AK9: variants seen among roughly 807,000 people sequenced by gnomAD.
AK9 encodes adenylate kinase 9, also known as adenylate kinase domain containing 1.
In AK9, 191 loss-of-function variants were observed where a neutral mutation model predicts 239.6. The observed-to-expected ratio is 0.80, with a 90% CI of 0.71 to 0.90. The LOEUF (loss-of-function observed/expected upper bound fraction) is 0.90. Among genes scored for constraint, AK9 ranks in the 40% least tolerant of loss-of-function variants. The pLI is 0.00. For missense variants in AK9, 1,995 were observed against 2,214.7 expected (o/e 0.90, Z 1.99); for synonymous variants, 689 against 721.0 (o/e 0.96, Z 0.71).
chr6:109,639,882 C>T (rs955765651), intron 10 of AK9, among the ~76,000 whole-genome samples: 3 of 152,120 alleles, frequency 2.0e-5, no homozygotes, highest in African/African-American at 7.2e-5. Context: ...GCCAGTTTTC[C>T]CAGCACCATT....
At position 109,575,266 on chromosome 6, in the gene AK9, A is replaced by G. The variant is rs141998804; in HGVS notation, c.2192-1672T>C. Among the ~76,000 whole-genome samples the G allele has an allele frequency of 6.4e-3, 970 of 152,306 alleles. 8 individuals carry two copies. The highest frequency in any genetic ancestry group is 0.024 in the Middle Eastern group (7 of 294). Reference sequence around the variant, plus strand: ...TTAAGGAATTGCCATAGTGTTTTCCATAGTGTTGTACTGGTTTACATTCCC... The same window carrying G: ...TTAAGGAATTGCCATAGTGTTTTCCGTAGTGTTGTACTGGTTTACATTCCC... On this transcript the variant is annotated intron_variant, in intron 20 of 40. Transcript: ENST00000424296.
At chr6:109,533,701 TTTTA>T (rs1336466211) in intron 27 of AK9, among the ~76,000 whole-genome samples, 2 of 152,316 alleles carry the variant, frequency 1.3e-5, no homozygotes, top group South Asian at 4.1e-4. Context: ...AAATTTACTC[TTTTA>T]TTTCTTTTAA....
intron 24 of AK9, 76 bp from the exon 25 acceptor site, chr6:109,550,378 T>G: frequency 8.4e-6 from 11 of 1,310,918 alleles, no homozygotes; most frequent in Non-Finnish European, 1.2e-5. Context: ...TTAAAATGCT[T>G]CTTGAATAAT....
intron 1 of AK9, among the ~76,000 whole-genome samples, chr6:109,680,957 G>A (rs1290427823): frequency 6.6e-6 from 1 of 152,136 alleles, no homozygotes; most frequent in African/African-American, 2.4e-5. Context: ...GGCACTAAAC[G>A]TGGAAAGGAA....
intron 5 of AK9, among the ~76,000 whole-genome samples, chr6:109,670,464 T>C (rs911392476): frequency 1.3e-5 from 2 of 152,180 alleles, no homozygotes; most frequent in African/African-American, 4.8e-5. Context: ...GTTTTGGACA[T>C]ATGCTGAACC....
intron 35 of AK9, among the ~76,000 whole-genome samples, chr6:109,503,895 C>T (rs1323671390): frequency 1.3e-5 from 2 of 152,202 alleles, no homozygotes; most frequent in Admixed American, 6.5e-5. Flanking sequence ...TGGACCCTCC[C>T]CCCACTTTGG....
rs540499760 is a variant in AK9 at position 109,641,661 on chromosome 6, T to A, written c.835-45A>T. On this transcript the variant is annotated intron_variant, in intron 9 of 40. Coordinates refer to ENST00000424296, the MANE Select transcript of AK9 (RefSeq NM_001145128.3). ...ATTTAACTACATTGGCATCTGAATA[T>A]CTCAAATACTCTGAAACAGTGGTGG... The A allele has an allele frequency of 2.0e-6, 3 of 1,500,478 alleles. No homozygotes were observed. In the South Asian group the frequency reaches 3.4e-5, roughly 17 times the overall value. 92.9% of individuals were successfully genotyped at this position (1,500,478 alleles called of 1,614,324 possible). A position where few individuals can be genotyped will look rare whatever the true frequency, so the allele number is the denominator to read the frequency against.
intron 30 of AK9, 52 bp from the exon 31 acceptor site, chr6:109,516,127 AG>A: frequency 7.0e-7 from 1 of 1,432,288 alleles, no homozygotes. Flanking sequence ...AAAGGCTGGT[AG>A]TATTTAGTCA....
intron 17 of AK9, among the ~76,000 whole-genome samples, chr6:109,605,675 G>A (rs1418276487): frequency 6.6e-6 from 1 of 152,164 alleles, no homozygotes; most frequent in East Asian, 1.9e-4. Context: ...CTTGAAAGGA[G>A]AGGTGCTACT....
intron 8 of AK9, among the ~76,000 whole-genome samples, chr6:109,649,723 G>A (rs1188748934): frequency 6.6e-6 from 1 of 152,050 alleles, no homozygotes; most frequent in Non-Finnish European, 1.5e-5. Context: ...TCACAGAATT[G>A]GAAAAAACTA....
chr6:109,600,019 A>G (rs1290621427), intron 17 of AK9, among the ~76,000 whole-genome samples: 4 of 152,078 alleles, frequency 2.6e-5, no homozygotes, highest in South Asian at 4.2e-4. Flanking sequence ...CATGTCATCC[A>G]CAAACAGGGA....
intron 10 of AK9, among the ~76,000 whole-genome samples, chr6:109,635,264 T>C (rs1056632590): frequency 3.3e-5 from 5 of 152,154 alleles, no homozygotes; most frequent in South Asian, 2.1e-4. Context: ...ATATCAGAGA[T>C]AGGTGAAAGC....
intron 8 of AK9, among the ~76,000 whole-genome samples, chr6:109,649,334 T>C (rs1262537078): frequency 1.3e-5 from 2 of 151,938 alleles, no homozygotes; most frequent in African/African-American, 4.8e-5. Context: ...ATTGCATATC[T>C]AGAAAACCCC....
chr6:109,579,545 C>T lies in AK9; in HGVS notation c.2191+5G>A. 6.4e-7 allele frequency: 1 copy of T among 1,550,412 alleles called. No individual in the cohort carries two copies. The highest frequency in any genetic ancestry group is 8.7e-7 in the Non-Finnish European group (1 of 1,145,898). ...ACATCATCAGTCATAGCAATCTGTG[C>T]TTGCCTTTTGCCTTCACTTTCATAA... On this transcript the variant is annotated splice_donor_5th_base_variant and intron_variant, in intron 20 of 40. Coordinates refer to ENST00000424296, the MANE Select transcript of AK9 (RefSeq NM_001145128.3).
At chr6:109,632,137 G>A in intron 12 of AK9, 4 of 984,470 alleles carry the variant, frequency 4.1e-6, no homozygotes, top group Non-Finnish European at 4.8e-6. Context: ...GTAACTCAGT[G>A]GGCTTCACTT....
chr6:109,498,012 C>T, intron 36 of AK9, 47 bp from the exon 37 acceptor site: 1 of 1,596,432 alleles, frequency 6.3e-7, no homozygotes, highest in Non-Finnish European at 8.6e-7. Flanking sequence ...ACCAGAAATG[C>T]TATGCCAATC....
intron 24 of AK9, among the ~76,000 whole-genome samples, chr6:109,563,192 G>A (rs190342886): frequency 5.9e-5 from 9 of 152,238 alleles, no homozygotes; most frequent in African/African-American, 1.9e-4. Flanking sequence ...TGTCTGAACT[G>A]GGCAGCTATC....
At chr6:109,502,989 GTA>G (rs57677729) in intron 35 of AK9, among the ~76,000 whole-genome samples, 14,874 of 149,870 alleles carry the variant, frequency 0.099, 913 homozygotes, top group East Asian at 0.24. Flanking sequence ...GTGTGTGTGT[GTA>G]TTATTTTCAG....
chr6:109,500,888 C>A (rs947108402), intron 35 of AK9, among the ~76,000 whole-genome samples: 9 of 152,204 alleles, frequency 5.9e-5, no homozygotes, highest in African/African-American at 2.2e-4. Context: ...TGTGGTGGCA[C>A]ATGCCTGTAG....
Sources: gnomAD v4.1 joint callset for allele counts (sites outside exome capture counted in the v4.1 genomes callset) on GRCh38, gnomAD v4.1.1 for gene constraint, MANE v1.5 for transcripts, NCBI Gene and HGNC (gene_info 2026-07-23, HGNC 2026-07-21) for gene names.